The following ALS2 variants were observed in gnomAD, a reference collection of about 807,000 sequenced individuals.
ALS2 encodes alsin.
A neutral mutation model predicts 203.4 loss-of-function variants in ALS2; 117 were observed. The observed-to-expected ratio is 0.58, with a 90% confidence interval of 0.50 to 0.67. The LOEUF is 0.67. ALS2 is among the 30% of genes least tolerant of loss of function. ALS2 has a pLI of 0.00. For synonymous variants in ALS2, 718 were observed against 725.9 expected, an observed-to-expected ratio of 0.99 and a Z score of 0.17; for missense variants, 1,715 against 1,989.4, an observed-to-expected ratio of 0.86 and a Z score of 2.62.
At chr2:201,742,559 A>G (rs893553691) in intron 10 of ALS2, among the ~76,000 whole-genome samples, 3 of 152,220 alleles carry the variant, frequency 2.0e-5, no homozygotes, top group African/African-American at 4.8e-5. Flanking sequence ...AGAGCAATCC[A>G]GGAAGCTTCC....
Position 201,762,124 on chromosome 2 carries a change from C to T in ALS2, c.176-306G>A, listed in dbSNP as rs146898669. ...CAATCCACTCCTAACGGCCATCATC[C>T]AGGCTATTATAGAAACAGATTCCAA... On this transcript the variant is annotated intron_variant, in intron 3 of 33. Transcript: ENST00000264276. Among the ~76,000 whole-genome samples the T allele has an allele frequency of 4.5e-4, 69 of 152,308 alleles. No homozygotes were observed. The East Asian group carries it at 9.6e-3, about 21-fold the overall frequency.
Position 201,761,194 on chromosome 2 carries a change from T to G in ALS2, c.800A>C (p.Gln267Pro). ...AGCAGTGCTGGCATGGTTTTCTGCC[T>G]GAGATTCTGTCAGTGTCACACCTAA... ...CPLGVTLTES[Q>P]AENHASTALS... Residue 267 changes from glutamine (Q) to proline (P), a missense_variant, in exon 4 of 34, where the codon CAG becomes CCG. Coordinates refer to ENST00000264276, the MANE Select transcript of ALS2 (RefSeq NM_020919.4). The G allele has an allele frequency of 6.2e-7, 1 of 1,614,142 alleles. No individual in the cohort carries two copies. Among genetic ancestry groups the G allele is most frequent in the Non-Finnish European group, 8.5e-7 (1 of 1,179,978 alleles).
chr2:201,776,376 G>A (rs1166007409), intron 1 of ALS2, among the ~76,000 whole-genome samples: 2 of 152,058 alleles, frequency 1.3e-5, no homozygotes, highest in African/African-American at 2.4e-5. Flanking sequence ...ATGGTGGAGT[G>A]GGGGGAAAGT....
Position 201,744,299 on chromosome 2 carries a change from C to G in ALS2, c.2129G>C (p.Ser710Thr). 1 of 1,614,100 alleles carries G rather than the reference C, an allele frequency of 6.2e-7. No homozygotes were observed. The highest frequency in any genetic ancestry group is 2.2e-5 in the East Asian group (1 of 44,868). The change falls in exon 10 of 34, where the codon AGT (serine) becomes ACT (threonine). Residue 710 changes from serine (S) to threonine (T), a missense_variant. Ser to Thr is a moderately conservative substitution (Grantham distance 58). This residue lies in a region of ALS2 where 1,227 missense variants were observed against 1,413.5 expected (regional missense o/e 0.87). Transcript: ENST00000264276. Reference protein sequence around the residue: ...TTERRFYSKLSDIKSQILRPL... With the variant: ...TTERRFYSKLTDIKSQILRPL... ...CCTGAGAATCTGAGATTTGATATCA[C>G]TTAGTTTTGAATAGAATCGTCTTTC... is the stretch of plus-strand genomic sequence containing the variant.
In ALS2 at chr2:201,733,320, T is replaced by C. The variant is rs1344282598; in HGVS notation, c.2536A>G (p.Asn846Asp). ...AGCTTTAGCAAAACTTTTGCGTAAT[T>C]ATGAAGTCGTCTGATTGGCAAGAAA... ...LFFLPIRRLH[N>D]YAKVLLKLAT... The change falls in exon 13 of 34, where the codon AAT becomes GAT. Residue 846 changes from asparagine to aspartate, a missense_variant. Asn to Asp is a conservative substitution (Grantham distance 23, BLOSUM62 1). Around this residue, in one of 3 missense-constraint regions of ALS2, gnomAD observed 1,227 missense variants for 1,413.5 expected, o/e 0.87. Coordinates refer to ENST00000264276, the MANE Select transcript of ALS2 (RefSeq NM_020919.4). The C allele has an allele frequency of 5.6e-6, 9 of 1,613,780 alleles. No homozygotes were observed. The highest frequency in any genetic ancestry group is 1.7e-5 in the Admixed American group (1 of 59,998).
At chr2:201,705,072 TTAA>T in intron 31 of ALS2, 64 bp downstream of exon 31, 1 of 1,457,602 alleles carries the variant, frequency 6.9e-7, no homozygotes, top group East Asian at 2.3e-5. Flanking sequence ...TAAGATCATA[TTAA>T]TAATATCTTA....
At chr2:201,757,268 C>T (rs1693456547) in intron 5 of ALS2, 134 bp downstream of exon 5, 4 of 783,426 alleles carry the variant, frequency 5.1e-6, no homozygotes, top group African/African-American at 3.4e-5. Flanking sequence ...TTTAAAACCA[C>T]CATTAAATAA....
At chr2:201,727,806 G>T in intron 15 of ALS2, 31 bp from the exon 16 acceptor site, 1 of 1,545,206 alleles carries the variant, frequency 6.5e-7, no homozygotes, top group Non-Finnish European at 8.8e-7. Context: ...GCACTTTTAT[G>T]AAAGCCCATG....
chr2:201,758,496 G>A (rs1693539472), intron 4 of ALS2, among the ~76,000 whole-genome samples: 1 of 152,132 alleles, frequency 6.6e-6, no homozygotes, highest in Non-Finnish European at 1.5e-5. Context: ...GATTCTAGAA[G>A]TGTACTAGAA....
intron 7 of ALS2, among the ~76,000 whole-genome samples, chr2:201,752,418 C>T (rs2106070099): frequency 6.6e-6 from 1 of 152,124 alleles, no homozygotes; most frequent in South Asian, 2.1e-4. Flanking sequence ...TTCCTAATCT[C>T]TCATTTTTAA....
At chr2:201,728,886 G>A (rs1023255340) in intron 14 of ALS2, among the ~76,000 whole-genome samples, 166 bp downstream of exon 14, 1 of 152,180 alleles carries the variant, frequency 6.6e-6, no homozygotes, top group Non-Finnish European at 1.5e-5. Flanking sequence ...CTAGAAATGA[G>A]AGAAGGTATT....
At chr2:201,735,462 A>G (rs1247557382) in intron 12 of ALS2, among the ~76,000 whole-genome samples, 1 of 152,250 alleles carries the variant, frequency 6.6e-6, no homozygotes, top group Non-Finnish European at 1.5e-5. Context: ...GATCAATTAG[A>G]TGAATGATAA....
intron 8 of ALS2, 63 bp from the exon 9 acceptor site, chr2:201,746,811 A>G (rs1692693378): frequency 1.3e-6 from 2 of 1,576,484 alleles, no homozygotes; most frequent in Non-Finnish European, 1.7e-6. Context: ...CTTCGGATCC[A>G]CAGGAACTGA....
Position 201,761,458 on chromosome 2 carries a change from T to C in ALS2, c.536A>G (p.Gln179Arg), listed in dbSNP as rs1693763351. The C allele has an allele frequency of 6.2e-7, 1 of 1,607,524 alleles. No individual in the cohort carries two copies. Among genetic ancestry groups the C allele is most frequent in the Admixed American group, 1.7e-5 (1 of 59,906 alleles). Residue 179 changes from glutamine to arginine, a missense_variant, in exon 4 of 34, where the codon CAG (glutamine) becomes CGG (arginine). Gln to Arg is a conservative substitution (Grantham distance 43). Transcript: ENST00000264276. ...GAAGGCAGTGGTAATGAGACCCAACTGACAACCGGTACCCCATGCCCAAAT... is the reference window on the plus strand; with the variant it reads ...GAAGGCAGTGGTAATGAGACCCAACCGACAACCGGTACCCCATGCCCAAAT... ...REIWAWGTGC[Q>R]LGLITTAFPV...
At chr2:201,702,114 G>T in intron 33 of ALS2, among the ~76,000 whole-genome samples, 1 of 149,012 alleles carries the variant, frequency 6.7e-6, no homozygotes, top group Non-Finnish European at 1.5e-5. Context: ...TTCATTTCCC[G>T]TCTTATTCTA....
Position 201,754,679 on chromosome 2 carries a change from C to A in ALS2, c.1472-8G>T. ...TTAAGAGCCTGGGGGAAACTGAAAA[C>A]CAACCAGACGTGGGGTGAAGGAGTG... On this transcript the variant is annotated splice_polypyrimidine_tract_variant and splice_region_variant and intron_variant, in intron 5 of 33. Transcript: ENST00000264276. 6.2e-7 allele frequency: 1 copy of A among 1,614,058 alleles called. No individual in the cohort carries two copies. The highest frequency in any genetic ancestry group is 1.1e-5 in the South Asian group (1 of 91,074).
chr2:201,733,247 T>C (rs1294228579), intron 13 of ALS2, 29 bp downstream of exon 13: 2 of 1,612,082 alleles, frequency 1.2e-6, no homozygotes, highest in East Asian at 2.2e-5. Context: ...GCTTTCCAAA[T>C]GTCCAAAGAG....
At position 201,754,433 on chromosome 2, in the gene ALS2, T is replaced by C. The variant is rs1693259438; in HGVS notation, c.1640+70A>G. ...TTTCCTCTATGAGGAAAGTGAGATTTAGAGACCTTCCCAGGAGAGAGATTA... is the reference window on the plus strand; with the variant it reads ...TTTCCTCTATGAGGAAAGTGAGATTCAGAGACCTTCCCAGGAGAGAGATTA... On this transcript the variant is annotated intron_variant, in intron 6 of 33. Coordinates refer to ENST00000264276, the MANE Select transcript of ALS2 (RefSeq NM_020919.4). The C allele has an allele frequency of 1.1e-5, 17 of 1,594,112 alleles. No individual in the cohort carries two copies. The South Asian group carries it at 1.5e-4, about 14-fold the overall frequency.
chr2:201,705,179 CA>C lies in ALS2; in HGVS notation c.4647del (p.Asp1549GlufsTer8). On this transcript the variant is annotated frameshift_variant, in exon 31 of 34. Coordinates refer to ENST00000264276, the MANE Select transcript of ALS2 (RefSeq NM_020919.4). LOFTEE classifies it high-confidence loss of function. ...ESKKVLPTTK[D>X]ACFASAVECL... Reference sequence around the variant, plus strand: ...CATTCTACTGCTGAGGCAAAACAAGCATCTTTCGTGGTTGGCAAAACCTGCA... The same window carrying C: ...CATTCTACTGCTGAGGCAAAACAAGCTCTTTCGTGGTTGGCAAAACCTGCA... The C allele has an allele frequency of 6.2e-7, 1 of 1,614,076 alleles. No individual in the cohort carries two copies. Among genetic ancestry groups the C allele is most frequent in the Non-Finnish European group, 8.5e-7 (1 of 1,180,002 alleles).
Sources: gnomAD v4.1 joint callset for allele counts (sites outside exome capture counted in the v4.1 genomes callset) on GRCh38, gnomAD v4.1.1 for gene constraint, gnomAD v4.1.1 regional missense constraint, MANE v1.5 for transcripts, NCBI Gene and HGNC (gene_info 2026-07-23, HGNC 2026-07-21) for gene names.